The following DRD2 variants were observed in gnomAD, a reference collection of about 807,000 sequenced individuals.
DRD2 encodes D(2) dopamine receptor.
In DRD2, 8 loss-of-function variants were observed where a neutral mutation model predicts 38.0. That is an observed-to-expected ratio of 0.21 (90% CI 0.12 to 0.38). The LOEUF is 0.38. Among genes scored for constraint, DRD2 ranks in the 10% least tolerant of loss-of-function variants. The pLI is 1.00. For missense variants in DRD2, 403 were observed against 607.7 expected (o/e 0.66, Z 3.54); for synonymous variants, 230 against 238.6 (o/e 0.96, Z 0.33).
intron 1 of DRD2, among the ~76,000 whole-genome samples, chr11:113,471,315 A>G (rs184018993): frequency 6.6e-5 from 10 of 152,338 alleles, no homozygotes; most frequent in Admixed American, 3.3e-4. Context: ...ACACCATTAG[A>G]GTAATTTAAA....
intron 1 of DRD2, among the ~76,000 whole-genome samples, chr11:113,426,196 G>A (rs769541525): frequency 1.3e-5 from 2 of 152,132 alleles, no homozygotes; most frequent in Non-Finnish European, 2.9e-5. Context: ...GGCAAAAGTG[G>A]GTATGGGACA....
At chr11:113,457,595 T>C (rs1951279658) in intron 1 of DRD2, among the ~76,000 whole-genome samples, 1 of 151,512 alleles carries the variant, frequency 6.6e-6, no homozygotes. Flanking sequence ...CCCCCCACTA[T>C]TTACATGTAA....
In DRD2 at chr11:113,424,096, T is replaced by G. The variant is rs538994223; in HGVS notation, c.285+271A>C. On this transcript the variant is annotated intron_variant, in intron 2 of 7. Coordinates refer to ENST00000362072, the MANE Select transcript of DRD2 (RefSeq NM_000795.4). ...GTGGCAATAATGCCAGCCTCTAAGC[T>G]GCTGTGAGGGTTATATAGGAAAATG... Among the ~76,000 whole-genome samples the G allele has an allele frequency of 2.0e-3, 309 of 152,312 alleles. 1 individual carries two copies. The highest frequency in any genetic ancestry group is 7.1e-3 in the African/African-American group (297 of 41,568).
chr11:113,417,921 G>T, intron 3 of DRD2, 106 bp downstream of exon 3: 1 of 887,070 alleles, frequency 1.1e-6, no homozygotes. Flanking sequence ...CACACAGCCA[G>T]CTGCACAGCA....
rs1442373266 is a variant in DRD2, at chr11:113,438,517, T to G, written c.-31-13835A>C. Among the ~76,000 whole-genome samples, 4 of 152,126 alleles carry G rather than the reference T, an allele frequency of 2.6e-5. No individual in the cohort carries two copies. The South Asian group carries it at 8.3e-4, about 31-fold the overall frequency. The stretch of plus-strand genomic sequence containing the variant: ...GGGCCCAAGGGAAAGAAACTCCCCA[T>G]TTCTCTGTGACCCCCAATTTTCTGC... On this transcript the variant is annotated intron_variant, in intron 1 of 7. Coordinates refer to ENST00000362072, the MANE Select transcript of DRD2 (RefSeq NM_000795.4).
intron 4 of DRD2, among the ~76,000 whole-genome samples, chr11:113,416,157 G>A (rs1950823662): frequency 2.0e-5 from 3 of 152,300 alleles, no homozygotes; most frequent in African/African-American, 2.4e-5. Flanking sequence ...TATGTTTAGT[G>A]TTATTCCCAC....
At chr11:113,458,617 G>A (rs1429412988) in intron 1 of DRD2, among the ~76,000 whole-genome samples, 3 of 152,224 alleles carry the variant, frequency 2.0e-5, no homozygotes, top group African/African-American at 7.2e-5. Context: ...TATGCTGTGT[G>A]TATATCATCA....
chr11:113,428,016 T>C (rs1259866921), intron 1 of DRD2, among the ~76,000 whole-genome samples: 1 of 152,062 alleles, frequency 6.6e-6, no homozygotes, highest in Non-Finnish European at 1.5e-5. Context: ...CTGCTAGCCA[T>C]GGAGAGAGGC....
rs776836586 is a variant in DRD2, at chr11:113,418,018, T to C, written c.395+9A>G. On this transcript the variant is annotated intron_variant, in intron 3 of 7. Coordinates refer to ENST00000362072, the MANE Select transcript of DRD2 (RefSeq NM_000795.4). The stretch of plus-strand genomic sequence containing the variant: ...CCAGAGCAACCTCTTCCACCCTGGC[T>C]GGGCTCACCTGTCGATGCTGATGGC... The C allele has an allele frequency of 2.5e-6, 4 of 1,613,436 alleles. No individual in the cohort carries two copies. Among genetic ancestry groups the C allele is most frequent in the Non-Finnish European group, 8.5e-7 (1 of 1,179,460 alleles).
chr11:113,425,509 G>A (rs1950932701), intron 1 of DRD2, among the ~76,000 whole-genome samples: 1 of 152,192 alleles, frequency 6.6e-6, no homozygotes, highest in African/African-American at 2.4e-5. Flanking sequence ...AGTCATGCTA[G>A]GAGTTTATAC....
chr11:113,453,587 AT>A (rs1951236809), intron 1 of DRD2, among the ~76,000 whole-genome samples: 1 of 152,234 alleles, frequency 6.6e-6, no homozygotes, highest in Non-Finnish European at 1.5e-5. Flanking sequence ...TATTTATTGA[AT>A]ACTTTAGAAA....
chr11:113,434,752 A>T lies in DRD2; in HGVS notation c.-31-10070T>A, dbSNP rs556471560. 4.6e-5 allele frequency among the ~76,000 whole-genome samples: 7 copies of T among 152,092 alleles called. No individual in the cohort carries two copies. The East Asian group carries it at 1.3e-3, about 29-fold the overall frequency. ...AGGTTGGCAGCACCCTGTGGGAGGG[A>T]AGTCACAGCAGGCCAAGGGAGCCAT... On this transcript the variant is annotated intron_variant, in intron 1 of 7. Coordinates refer to ENST00000362072, the MANE Select transcript of DRD2 (RefSeq NM_000795.4).
At chr11:113,444,589 C>T (rs1270477275) in intron 1 of DRD2, among the ~76,000 whole-genome samples, 5 of 152,240 alleles carry the variant, frequency 3.3e-5, no homozygotes, top group African/African-American at 9.6e-5. Flanking sequence ...GAGGAAATTA[C>T]ATGGCTTACA....
At chr11:113,473,610 C>A (rs1951449280) in intron 1 of DRD2, among the ~76,000 whole-genome samples, 2 of 152,292 alleles carry the variant, frequency 1.3e-5, no homozygotes, top group South Asian at 4.1e-4. Context: ...CAAACCACTT[C>A]CTTGTCAGAT....
intron 1 of DRD2, among the ~76,000 whole-genome samples, chr11:113,463,345 T>C (rs1407968366): frequency 1.3e-5 from 2 of 152,108 alleles, no homozygotes; most frequent in African/African-American, 4.8e-5. Context: ...CTGTGGCCAT[T>C]GGGCACGGGG....
chr11:113,421,253 C>A (rs1950881397), intron 2 of DRD2, among the ~76,000 whole-genome samples: 2 of 152,188 alleles, frequency 1.3e-5, no homozygotes, highest in African/African-American at 4.8e-5. Context: ...ATGCCCCACA[C>A]CTCCTATGGG....
At chr11:113,439,250 G>A (rs545938081) in intron 1 of DRD2, among the ~76,000 whole-genome samples, 35 of 152,270 alleles carry the variant, frequency 2.3e-4, no homozygotes, top group Non-Finnish European at 3.8e-4. Context: ...GCATCTCCTA[G>A]GAAGGCTACC....
intron 2 of DRD2, among the ~76,000 whole-genome samples, chr11:113,422,175 C>T (rs1262980318): frequency 6.6e-6 from 1 of 152,182 alleles, no homozygotes; most frequent in African/African-American, 2.4e-5. Flanking sequence ...GTACTCTCTC[C>T]TTCCTCTTTA....
rs749272967 is a variant in DRD2 at position 113,416,845 on chromosome 11, A to G, written c.532+18T>C. 20 of 1,612,666 alleles carry G rather than the reference A, an allele frequency of 1.2e-5. No individual in the cohort carries two copies. Among genetic ancestry groups the G allele is most frequent in the Non-Finnish European group, 1.6e-5 (19 of 1,179,362 alleles). ...CCCAGGGCCAGCTGAGCCTCAGGCA[A>G]ACAAAAGCAGAATGTACCTGCGTTA... is the stretch of plus-strand genomic sequence containing the variant. On this transcript the variant is annotated intron_variant, in intron 4 of 7. Coordinates refer to ENST00000362072, the MANE Select transcript of DRD2 (RefSeq NM_000795.4).
Sources: gnomAD v4.1 joint callset for allele counts (sites outside exome capture counted in the v4.1 genomes callset) on GRCh38, gnomAD v4.1.1 for gene constraint, MANE v1.5 for transcripts, NCBI Gene and HGNC (gene_info 2026-07-23, HGNC 2026-07-21) for gene names.